CTU1: variants seen among roughly 807,000 people sequenced by gnomAD.
The protein encoded by CTU1 is cytosolic thiouridylase subunit 1, also known as cytoplasmic tRNA 2-thiolation protein 1.
In CTU1, 15 loss-of-function variants were observed where a neutral mutation model predicts 12.9. The ratio of observed to expected loss-of-function variants is 1.16; its 90% CI spans 0.78 to 1.79. The LOEUF (loss-of-function observed/expected upper bound fraction) is 1.79. Ranked by LOEUF, CTU1 falls within the 40% of genes most tolerant of loss-of-function variation. The pLI is 0.00. For missense variants in CTU1, 553 were observed against 550.5 expected, an observed-to-expected ratio of 1.00 and a Z score of -0.05; for synonymous variants, 295 against 275.6, an observed-to-expected ratio of 1.07 and a Z score of -0.70.
At chr19:51,103,454 A>G (rs375427021) in intron 2 of CTU1, among the ~76,000 whole-genome samples, 12 of 152,180 alleles carry the variant, frequency 7.9e-5, no homozygotes, top group African/African-American at 2.9e-4. Context: ...GCGTGGTGGC[A>G]GGCACCTGTA....
chr19:51,107,836 AG>A (rs1259673048), intron 1 of CTU1, among the ~76,000 whole-genome samples: 1 of 152,080 alleles, frequency 6.6e-6, no homozygotes, highest in Non-Finnish European at 1.5e-5. Context: ...CACTGAGTCG[AG>A]CGCCTCCACC....
rs778090962 is a variant in CTU1, at chr19:51,098,946, G to C, written c.702C>G (p.Ser234=). ...CCTCGGGCGCGTAGACGCACTCCTC[G>C]GAGAAGTAGTCGAGGCGGCGGAAGT... ...YAHFRRLDYF[S]EECVYAPEAF... The change falls in exon 3 of 3, where the codon TCC becomes TCG. Residue 234 remains serine, a synonymous_variant. Coordinates refer to ENST00000421832, the MANE Select transcript of CTU1 (RefSeq NM_145232.4). This position sits in a 1 kb window ranked among gnomAD's most constrained non-coding sequence, Gnocchi z 4.3. The C allele has an allele frequency of 1.3e-6, 2 of 1,543,046 alleles. No individual in the cohort carries two copies. The highest frequency in any genetic ancestry group is 1.2e-5 in the South Asian group (1 of 86,090).
rs764340594 is a variant in CTU1, at chr19:51,104,204, A to G, written c.366T>C (p.Phe122=). Residue 122 remains phenylalanine (F), a synonymous_variant, in exon 2 of 3, where the codon TTT becomes TTC. Transcript: ENST00000421832. ...CCACGGCGTCCATCGTCCAGCCCCC[A>G]AAGAGGTCTTCGTAGGCCACGACCG... ...PLTVVAYEDL[F]GGWTMDAVAR... 5.9e-6 allele frequency: 9 copies of G among 1,521,998 alleles called. No homozygotes were observed. The highest frequency in any genetic ancestry group is 7.9e-6 in the Non-Finnish European group (9 of 1,140,758). 94.3% of individuals were successfully genotyped at this position (1,521,998 alleles called of 1,614,324 possible).
intron 2 of CTU1, among the ~76,000 whole-genome samples, chr19:51,100,428 G>A (rs778286967): frequency 2.6e-5 from 4 of 152,048 alleles, no homozygotes; most frequent in Non-Finnish European, 4.4e-5. Context: ...TGGCCAACAT[G>A]GCAAAACCCC....
intron 2 of CTU1, among the ~76,000 whole-genome samples, chr19:51,100,845 G>A (rs2091905586): frequency 1.3e-5 from 2 of 151,750 alleles, no homozygotes; most frequent in South Asian, 4.2e-4. Flanking sequence ...ACAGCAGCCA[G>A]AGAAAACAAC....
Position 51,098,835 on chromosome 19 carries a change from C to G in CTU1, c.813G>C (p.Glu271Asp), listed in dbSNP as rs1458457698. The change falls in exon 3 of 3, where the codon GAG (glutamate) becomes GAC (aspartate). Residue 271 changes from glutamate to aspartate, a missense_variant. Physicochemically the swap from Glu to Asp is conservative, Grantham distance 45. Around this residue, in one of 2 missense-constraint regions of CTU1, gnomAD observed 500 missense variants for 458.5 expected, o/e 1.09. Coordinates refer to ENST00000421832, the MANE Select transcript of CTU1 (RefSeq NM_145232.4). This position sits in a 1 kb window ranked among gnomAD's most constrained non-coding sequence, Gnocchi z 4.3. Reference protein sequence around the residue: ...SAVLDLVHSAERLALAPAARP... With the variant: ...SAVLDLVHSADRLALAPAARP... ...GCGCGGCCGGGGCCAGCGCCAGGCGCTCGGCCGAGTGCACGAGGTCCAGCA... is the reference window on the plus strand; with the variant it reads ...GCGCGGCCGGGGCCAGCGCCAGGCGGTCGGCCGAGTGCACGAGGTCCAGCA... The G allele has an allele frequency of 8.4e-7, 1 of 1,183,774 alleles. No individual in the cohort carries two copies. Among genetic ancestry groups the G allele is most frequent in the African/African-American group, 1.7e-5 (1 of 60,378 alleles). The allele number at this position is 1,183,774 out of a possible 1,614,324, so 73.3% of individuals were successfully genotyped here. A position where few individuals can be genotyped will look rare whatever the true frequency, so the allele number is the denominator to read the frequency against.
rs1318992509 is a variant in CTU1 at position 51,104,307 on chromosome 19, T to C, written c.263A>G (p.Asp88Gly). The C allele has an allele frequency of 4.7e-6, 7 of 1,493,484 alleles. No individual in the cohort carries two copies. The highest frequency in any genetic ancestry group is 6.2e-6 in the Non-Finnish European group (7 of 1,126,172). 92.5% of individuals were successfully genotyped at this position (1,493,484 alleles called of 1,614,324 possible). ...GTCCCGGTAGCCACCGATGCCCTCATCGACGGCCACGAGCTGCAGTGAGAT... is the reference window on the plus strand; with the variant it reads ...GTCCCGGTAGCCACCGATGCCCTCACCGACGGCCACGAGCTGCAGTGAGAT... ...LGISLQLVAV[D>G]EGIGGYRDAA... Residue 88 changes from aspartate to glycine, a missense_variant, in exon 2 of 3, where the codon GAT becomes GGT. Transcript: ENST00000421832.
At chr19:51,104,729 AG>A in intron 1 of CTU1, 139 bp from the exon 2 acceptor site, 1 of 601,388 alleles carries the variant, frequency 1.7e-6, no homozygotes, top group Non-Finnish European at 2.4e-6. Context: ...AGCTTCTTCT[AG>A]CGCTGGGGAT....
rs890571994 is a variant in CTU1 at position 51,100,500 on chromosome 19, G to A, written c.509-1361C>T. Among the ~76,000 whole-genome samples, 5 of 152,208 alleles carry A rather than the reference G, an allele frequency of 3.3e-5. No individual in the cohort carries two copies. The South Asian group carries it at 6.2e-4, about 19-fold the overall frequency. ...GTGGCAGGCACCTGTAACCCCAGCT[G>A]AGGCATGAGAATCTCTTGAACCTGG... On this transcript the variant is annotated intron_variant, in intron 2 of 2. Transcript: ENST00000421832.
chr19:51,108,136 G>C lies in CTU1; in HGVS notation c.-22+211C>G, dbSNP rs1054840648. ...ACATAGGGGCGGGGGCAAGCAGATGGTCTTATCCTGTCTTGGGGAAGGGAG... is the reference window on the plus strand; with the variant it reads ...ACATAGGGGCGGGGGCAAGCAGATGCTCTTATCCTGTCTTGGGGAAGGGAG... On this transcript the variant is annotated intron_variant, in intron 1 of 2. Coordinates refer to ENST00000421832, the MANE Select transcript of CTU1 (RefSeq NM_145232.4). The surrounding 1 kb of genome is among the most constrained non-coding windows in gnomAD (Gnocchi z 4.5). Among the ~76,000 whole-genome samples, 1 of 152,136 alleles carries C rather than the reference G, an allele frequency of 6.6e-6. No homozygotes were observed. The highest frequency in any genetic ancestry group is 2.1e-4 in the South Asian group (1 of 4,820).
intron 2 of CTU1, among the ~76,000 whole-genome samples, chr19:51,101,900 C>T (rs1279356172): frequency 1.3e-5 from 2 of 152,168 alleles, no homozygotes; most frequent in Admixed American, 1.3e-4. Context: ...GGGTAGAAAT[C>T]ACCTTGCAAG....
intron 1 of CTU1, among the ~76,000 whole-genome samples, chr19:51,105,103 G>A (rs1005279752): frequency 6.6e-6 from 1 of 152,160 alleles, no homozygotes; most frequent in Non-Finnish European, 1.5e-5. Flanking sequence ...TGCAGCGGGA[G>A]GTGGAAAACA....
At chr19:51,106,501 TA>T (rs1248894492) in intron 1 of CTU1, among the ~76,000 whole-genome samples, 1 of 68,964 alleles carries the variant, frequency 1.5e-5, no homozygotes, top group African/African-American at 8.3e-5. Context: ...TAAAGATTTT[TA>T]ATTTAATTTA....
At chr19:51,103,454 A>C (rs375427021) in intron 2 of CTU1, among the ~76,000 whole-genome samples, 2 of 152,060 alleles carry the variant, frequency 1.3e-5, no homozygotes, top group Admixed American at 1.3e-4. Context: ...GCGTGGTGGC[A>C]GGCACCTGTA....
rs2091914111 is a variant in CTU1 at position 51,104,229 on chromosome 19, G to A, written c.341C>T (p.Thr114Met). 6.6e-7 allele frequency: 1 copy of A among 1,515,400 alleles called. No individual in the cohort carries two copies. Among genetic ancestry groups the A allele is most frequent in the African/African-American group, 1.4e-5 (1 of 69,848 alleles). 93.9% of individuals were successfully genotyped at this position (1,515,400 alleles called of 1,614,324 possible). A position where few individuals can be genotyped will look rare whatever the true frequency, so the allele number is the denominator to read the frequency against. The change falls in exon 2 of 3, where the codon ACG becomes ATG. Residue 114 changes from threonine to methionine, a missense_variant. Around this residue, in one of 2 missense-constraint regions of CTU1, gnomAD observed 500 missense variants for 458.5 expected, o/e 1.09. Transcript: ENST00000421832. The stretch of plus-strand genomic sequence containing the variant: ...AAAGAGGTCTTCGTAGGCCACGACC[G>A]TGAGCGGCAGCTCCCAGCGCGCCGC... Reference protein sequence around the residue: ...RQAARWELPLTVVAYEDLFGG... With the variant: ...RQAARWELPLMVVAYEDLFGG...
intron 2 of CTU1, among the ~76,000 whole-genome samples, chr19:51,101,772 G>T (rs1291965865): frequency 1.3e-5 from 2 of 152,126 alleles, no homozygotes; most frequent in African/African-American, 4.8e-5. Context: ...ATTAATTAGG[G>T]GAGACTGGAT....
chr19:51,099,987 C>T (rs1252267407), intron 2 of CTU1, among the ~76,000 whole-genome samples: 1 of 151,976 alleles, frequency 6.6e-6, no homozygotes, highest in Non-Finnish European at 1.5e-5. Flanking sequence ...CCATGGAGAC[C>T]TTTGAACATA....
intron 1 of CTU1, among the ~76,000 whole-genome samples, chr19:51,105,797 T>C (rs1373678502): frequency 3.3e-5 from 5 of 152,208 alleles, no homozygotes; most frequent in African/African-American, 1.2e-4. Context: ...GACCCTGGAC[T>C]GCTCTTTCTC....
intron 2 of CTU1, among the ~76,000 whole-genome samples, chr19:51,100,524 G>A (rs2091904838): frequency 6.6e-6 from 1 of 152,126 alleles, no homozygotes. Flanking sequence ...TCTTGAACCT[G>A]GGAGGGAGAG....
Sources: gnomAD v4.1 joint callset for allele counts (sites outside exome capture counted in the v4.1 genomes callset) on GRCh38, gnomAD v4.1.1 for gene constraint, gnomAD v4.1.1 regional missense constraint, Gnocchi (gnomAD v3.1) non-coding constraint, MANE v1.5 for transcripts, NCBI Gene and HGNC (gene_info 2026-07-23, HGNC 2026-07-21) for gene names.